The following AUH variants were observed in gnomAD, a reference collection of about 807,000 sequenced individuals.
AUH encodes AU RNA binding methylglutaconyl-CoA hydratase, also known as methylglutaconyl-CoA hydratase, mitochondrial.
AUH carries 29 observed loss-of-function variants against 42.3 expected under a neutral mutation model. The ratio of observed to expected loss-of-function variants is 0.69; its 90% CI spans 0.51 to 0.93. The LOEUF (loss-of-function observed/expected upper bound fraction) is 0.93, where lower values mean the gene tolerates loss of function less well. AUH is among the 40% of genes least tolerant of loss of function. The probability of loss-of-function intolerance (pLI) is 0.00; values close to 1 mark genes in which losing one functional copy is unlikely to be tolerated. For missense variants in AUH, 452 were observed against 438.1 expected, an observed-to-expected ratio of 1.03 and a Z score of -0.28; for synonymous variants, 174 against 166.4, an observed-to-expected ratio of 1.05 and a Z score of -0.35.
intron 6 of AUH, among the ~76,000 whole-genome samples, chr9:91,233,277 G>C (rs1405542173): frequency 6.6e-6 from 1 of 152,156 alleles, no homozygotes; most frequent in Non-Finnish European, 1.5e-5. Flanking sequence ...TTCCCACACA[G>C]GTCTGGGGAA....
At chr9:91,216,030 C>T in intron 9 of AUH, 29 bp downstream of exon 9, 1 of 1,589,496 alleles carries the variant, frequency 6.3e-7, no homozygotes, top group Non-Finnish European at 8.6e-7. Context: ...AAGGGTCATC[C>T]TCATTGAATT....
At chr9:91,221,863 G>A (rs1277754696) in intron 6 of AUH, among the ~76,000 whole-genome samples, 1 of 151,998 alleles carries the variant, frequency 6.6e-6, no homozygotes, top group Non-Finnish European at 1.5e-5. Flanking sequence ...TGATGAGGAC[G>A]GGATCTCATT....
At chr9:91,310,307 G>A (rs1327149491) in intron 4 of AUH, among the ~76,000 whole-genome samples, 3 of 152,204 alleles carry the variant, frequency 2.0e-5, no homozygotes, top group African/African-American at 7.2e-5. Flanking sequence ...TTAGGTAGAG[G>A]CAGACAGGAA....
At chr9:91,299,652 A>G (rs1827629027) in intron 4 of AUH, among the ~76,000 whole-genome samples, 1 of 152,234 alleles carries the variant, frequency 6.6e-6, no homozygotes, top group Non-Finnish European at 1.5e-5. Context: ...TGTGCAAACA[A>G]TATCTAGTGA....
At chr9:91,302,260 G>C (rs1445504288) in intron 4 of AUH, among the ~76,000 whole-genome samples, 3 of 152,048 alleles carry the variant, frequency 2.0e-5, no homozygotes, top group East Asian at 3.9e-4. Context: ...TTAAGGTCAG[G>C]AGTTGGCGAC....
intron 6 of AUH, among the ~76,000 whole-genome samples, chr9:91,292,523 C>T (rs2131626160): frequency 6.6e-6 from 1 of 152,072 alleles, no homozygotes; most frequent in East Asian, 1.9e-4. Context: ...AAGTGATCCA[C>T]CCGCCTCGGC....
chr9:91,254,246 G>C (rs749338550), intron 6 of AUH, among the ~76,000 whole-genome samples: 5 of 152,142 alleles, frequency 3.3e-5, no homozygotes, highest in Non-Finnish European at 5.9e-5. Flanking sequence ...CTAAAATAAA[G>C]GTAATGTAAG....
At position 91,250,863 on chromosome 9, in the gene AUH, T is replaced by TA. The variant is rs1465865798; in HGVS notation, c.656-29872dup. ...TGTGAGCTCCCTGTTTCCTTCAACTTAGAGAGGGATACAGATTTCTGCTCT... is the reference window on the plus strand; with the variant it reads ...TGTGAGCTCCCTGTTTCCTTCAACTTAAGAGAGGGATACAGATTTCTGCTCT... On this transcript the variant is annotated intron_variant, in intron 6 of 9. Coordinates refer to ENST00000375731, the MANE Select transcript of AUH (RefSeq NM_001698.3). Among the ~76,000 whole-genome samples the TA allele has an allele frequency of 2.0e-5, 3 of 152,298 alleles. No individual in the cohort carries two copies. In the East Asian group the frequency reaches 5.8e-4, roughly 29 times the overall value.
In AUH at chr9:91,240,603, T is replaced by C. The variant is rs12686187; in HGVS notation, c.656-19611A>G. Reference sequence around the variant, plus strand: ...TTGCACTATGTAATACAGAAGTCACTAGCCACATGTGGCTACTGAACACTT... The same window carrying C: ...TTGCACTATGTAATACAGAAGTCACCAGCCACATGTGGCTACTGAACACTT... On this transcript the variant is annotated intron_variant, in intron 6 of 9. Transcript: ENST00000375731. Among the ~76,000 whole-genome samples the C allele has an allele frequency of 5.5e-3, 841 of 152,252 alleles. 10 individuals are homozygous for C. The highest frequency in any genetic ancestry group is 0.042 in the East Asian group (217 of 5,186).
chr9:91,292,757 C>A (rs1435675524), intron 6 of AUH, among the ~76,000 whole-genome samples: 1 of 152,148 alleles, frequency 6.6e-6, no homozygotes, highest in Non-Finnish European at 1.5e-5. Context: ...GAACTACCAT[C>A]TTCACTGTCT....
rs143109946 is a variant in AUH at position 91,317,832 on chromosome 9, T to C, written c.505+7486A>G. Among the ~76,000 whole-genome samples the C allele has an allele frequency of 3.3e-3, 506 of 152,346 alleles. 9 individuals are homozygous for C. Among genetic ancestry groups the C allele is most frequent in the South Asian group, 6.2e-3 (30 of 4,832 alleles). The stretch of plus-strand genomic sequence containing the variant: ...GTTTGCTGAGAACATTTTCCATGAA[T>C]ACATGTTGATATTTCTCAAATGCTT... On this transcript the variant is annotated intron_variant, in intron 4 of 9. Transcript: ENST00000375731.
At chr9:91,228,029 G>C (rs1289568468) in intron 6 of AUH, among the ~76,000 whole-genome samples, 2 of 152,084 alleles carry the variant, frequency 1.3e-5, no homozygotes, top group East Asian at 1.9e-4. Flanking sequence ...TTGGTTGTGT[G>C]TCTGCCCGGC....
chr9:91,332,825 T>C (rs1045766621), intron 3 of AUH, among the ~76,000 whole-genome samples: 1 of 152,126 alleles, frequency 6.6e-6, no homozygotes, highest in Non-Finnish European at 1.5e-5. Context: ...GTACAAAAAA[T>C]GGGGGCGTGA....
chr9:91,227,442 G>A (rs1827575518), intron 6 of AUH, among the ~76,000 whole-genome samples: 1 of 126,338 alleles, frequency 7.9e-6, no homozygotes, highest in Non-Finnish European at 1.7e-5. Flanking sequence ...TCAGCTTAAG[G>A]AGATTTTGGG....
At chr9:91,217,403 A>C in intron 7 of AUH, 76 bp from the exon 8 acceptor site, 9 of 1,469,416 alleles carry the variant, frequency 6.1e-6, no homozygotes, top group Non-Finnish European at 8.5e-6. Flanking sequence ...TAAAATTCAG[A>C]ATTCCCACCA....
chr9:91,330,107 T>C (rs1046745182), intron 3 of AUH, among the ~76,000 whole-genome samples: 1 of 152,082 alleles, frequency 6.6e-6, no homozygotes, highest in African/African-American at 2.4e-5. Context: ...ACCATGAAAA[T>C]AAGTAAATTT....
chr9:91,219,270 C>T (rs1170852907), intron 7 of AUH, among the ~76,000 whole-genome samples: 1 of 152,186 alleles, frequency 6.6e-6, no homozygotes, highest in African/African-American at 2.4e-5. Context: ...AGCTGAACAT[C>T]CATGTCAGGA....
intron 4 of AUH, among the ~76,000 whole-genome samples, chr9:91,312,744 A>C (rs990984768): frequency 3.3e-5 from 5 of 152,184 alleles, no homozygotes; most frequent in East Asian, 3.9e-4. Flanking sequence ...AACAAACAAA[A>C]AAAAATTCCT....
chr9:91,331,304 C>T lies in AUH; in HGVS notation c.419-5900G>A, dbSNP rs540688030. ...AATATTCGATGTCATAAATACCATT[C>T]TATTTGAGAATGTATAATAAGCTTT... On this transcript the variant is annotated intron_variant, in intron 3 of 9. Transcript: ENST00000375731. 1.1e-4 allele frequency among the ~76,000 whole-genome samples: 16 copies of T among 152,310 alleles called. No individual in the cohort carries two copies. The South Asian group carries it at 3.3e-3, about 32-fold the overall frequency.
Sources: gnomAD v4.1 joint callset for allele counts (sites outside exome capture counted in the v4.1 genomes callset) on GRCh38, gnomAD v4.1.1 for gene constraint, MANE v1.5 for transcripts, NCBI Gene and HGNC (gene_info 2026-07-23, HGNC 2026-07-21) for gene names.